Variants in MEGF10 observed in about 807,000 individuals in gnomAD.
MEGF10 encodes the protein multiple epidermal growth factor-like domains protein 10.
A neutral mutation model predicts 147.5 loss-of-function variants in MEGF10; 86 were observed. The ratio of observed to expected loss-of-function variants is 0.58; its 90% CI spans 0.49 to 0.70. MEGF10 has a LOEUF of 0.70. Ranked by LOEUF, MEGF10 falls within the 30% of genes least tolerant of loss-of-function variation. MEGF10 has a pLI of 0.00. For synonymous variants in MEGF10, 478 were observed against 525.5 expected (o/e 0.91, Z 1.24); for missense variants, 1,329 against 1,487.3 (o/e 0.89, Z 1.75).
chr5:127,442,931 G>A lies in MEGF10; in HGVS notation c.2363-67G>A. 6 of 1,535,016 alleles carry A rather than the reference G, an allele frequency of 3.9e-6. No individual in the cohort carries two copies. In the South Asian group the frequency reaches 4.9e-5, roughly 13 times the overall value. The stretch of plus-strand genomic sequence containing the variant: ...ACTCAGCTCTAGATGTGCAGGGCTT[G>A]CAGTCAGAGACAGCCTTGCTCCAAA... On this transcript the variant is annotated intron_variant, in intron 18 of 24. Transcript: ENST00000503335.
chr5:127,234,809 A>C, the MEGF10 span, among the ~76,000 whole-genome samples: 1 of 150,912 alleles, frequency 6.6e-6, no homozygotes, highest in East Asian at 1.9e-4. Context: ...CTATATTGGT[A>C]GTTCAATAAC....
At chr5:127,444,750 C>T (rs970471501) in intron 19 of MEGF10, 3 of 152,242 alleles carry the variant, frequency 2.0e-5, no homozygotes, top group Non-Finnish European at 2.9e-5. Flanking sequence ...ATCTTTCTGT[C>T]ATGGAAAATA....
intron 17 of MEGF10, among the ~76,000 whole-genome samples, chr5:127,440,389 A>G (rs1336154892): frequency 6.6e-6 from 1 of 152,224 alleles, no homozygotes; most frequent in African/African-American, 2.4e-5. Flanking sequence ...ATTTGAGTCC[A>G]GGATTCTAGT....
intron 4 of MEGF10, among the ~76,000 whole-genome samples, chr5:127,346,058 G>A (rs1761873373): frequency 6.6e-6 from 1 of 152,156 alleles, no homozygotes; most frequent in African/African-American, 2.4e-5. Context: ...AGCATTCCAT[G>A]GTGTGTATGT....
chr5:127,442,057 G>T (rs907777768), intron 18 of MEGF10, among the ~76,000 whole-genome samples: 1 of 152,168 alleles, frequency 6.6e-6, no homozygotes, highest in Non-Finnish European at 1.5e-5. Flanking sequence ...TAAATATTGT[G>T]TGTTTGTGTA....
At chr5:127,342,110 A>G (rs1036626229) in intron 4 of MEGF10, among the ~76,000 whole-genome samples, 1 of 152,198 alleles carries the variant, frequency 6.6e-6, no homozygotes, top group African/African-American at 2.4e-5. Flanking sequence ...ATTAATAATG[A>G]TGCTGAATAA....
intron 5 of MEGF10, among the ~76,000 whole-genome samples, chr5:127,371,355 A>G (rs1268605370): frequency 1.3e-5 from 2 of 152,020 alleles, no homozygotes; most frequent in Non-Finnish European, 2.9e-5. Flanking sequence ...TTCACACGCC[A>G]TTGAGGCAAA....
rs767116571 is a variant in MEGF10, at chr5:127,419,141, T to C, written c.1327T>C (p.Cys443Arg). The change falls in exon 11 of 25, where the codon TGC (cysteine) becomes CGC (arginine). Residue 443 changes from cysteine to arginine, a missense_variant. Cys to Arg is a radical substitution (Grantham distance 180). Coordinates refer to ENST00000503335, the MANE Select transcript of MEGF10 (RefSeq NM_001256545.2). ...GFKGIDCSTP[C>R]PLGTYGINCS... ...CTAGGGAATTGACTGCTCTACCCCATGCCCTCTGGGAACCTATGGGATAAA... is the reference window on the plus strand; with the variant it reads ...CTAGGGAATTGACTGCTCTACCCCACGCCCTCTGGGAACCTATGGGATAAA... 6 of 1,613,938 alleles carry C rather than the reference T, an allele frequency of 3.7e-6. No homozygotes were observed. Among genetic ancestry groups the C allele is most frequent in the Non-Finnish European group, 5.1e-6 (6 of 1,179,986 alleles).
chr5:127,283,312 T>C, the MEGF10 span, among the ~76,000 whole-genome samples: 1 of 152,232 alleles, frequency 6.6e-6, no homozygotes, highest in Admixed American at 6.5e-5. Context: ...CAAATTGTAA[T>C]AGATGTATTC....
At chr5:127,369,126 G>A (rs906949322) in intron 4 of MEGF10, among the ~76,000 whole-genome samples, 11 of 152,016 alleles carry the variant, frequency 7.2e-5, no homozygotes, top group African/African-American at 7.2e-5. Context: ...CCTTTAAGTC[G>A]TTCTCACAAT....
In MEGF10 at chr5:127,377,836, G is replaced by A. The variant is rs548159703; in HGVS notation, c.412+7834G>A. 2.9e-3 allele frequency among the ~76,000 whole-genome samples: 445 copies of A among 152,296 alleles called. 6 individuals carry two copies. Among genetic ancestry groups the A allele is most frequent in the Non-Finnish European group, 3.0e-3 (205 of 68,022 alleles). On this transcript the variant is annotated intron_variant, in intron 5 of 24. Transcript: ENST00000503335. The stretch of plus-strand genomic sequence containing the variant: ...CGCTGCAGTCATTAACAGGCCTGTT[G>A]CGCTGTCAGAATTACTTTCGAAATC...
At chr5:127,436,904 C>A (rs1386193595) in intron 16 of MEGF10, among the ~76,000 whole-genome samples, 2 of 152,164 alleles carry the variant, frequency 1.3e-5, no homozygotes, top group Admixed American at 1.3e-4. Flanking sequence ...AAAACACAGA[C>A]TTTGAAAACT....
the MEGF10 span, among the ~76,000 whole-genome samples, chr5:127,246,999 T>TATATATATATATATATAC: frequency 7.9e-6 from 1 of 126,622 alleles, no homozygotes; most frequent in African/African-American, 3.1e-5. Flanking sequence ...TATATATATA[T>TATATATATATATATATAC]ATATATATAG....
At chr5:127,265,169 T>C in the MEGF10 span, among the ~76,000 whole-genome samples, 1 of 152,186 alleles carries the variant, frequency 6.6e-6, no homozygotes, top group Non-Finnish European at 1.5e-5. Context: ...CATGCAGTGT[T>C]TGGTTTTTTG....
intron 4 of MEGF10, among the ~76,000 whole-genome samples, chr5:127,362,331 GT>G (rs35156178): frequency 1.2e-3 from 163 of 134,302 alleles, no homozygotes; most frequent in East Asian, 5.9e-3. Flanking sequence ...CGTTAGTATG[GT>G]TTTTTTTTTT....
chr5:127,419,688 C>A (rs1764914042), intron 11 of MEGF10, among the ~76,000 whole-genome samples: 1 of 152,206 alleles, frequency 6.6e-6, no homozygotes, highest in Admixed American at 6.5e-5. Flanking sequence ...AATCCTTTGT[C>A]TCCCTTCCAT....
the MEGF10 span, among the ~76,000 whole-genome samples, chr5:127,283,735 T>C: frequency 6.6e-6 from 1 of 152,222 alleles, no homozygotes; most frequent in African/African-American, 2.4e-5. Context: ...AATGAGCACA[T>C]TAAAGTTCGA....
chr5:127,336,813 TC>T (rs1294568576), intron 2 of MEGF10, among the ~76,000 whole-genome samples: 1 of 152,120 alleles, frequency 6.6e-6, no homozygotes, highest in African/African-American at 2.4e-5. Flanking sequence ...TAGAGTGGCT[TC>T]TTTTTTGTTC....
chr5:127,239,199 AT>A, the MEGF10 span, among the ~76,000 whole-genome samples: 1 of 152,028 alleles, frequency 6.6e-6, no homozygotes, highest in Admixed American at 6.6e-5. Flanking sequence ...AAATAAATGC[AT>A]TAGCATTATT....
Sources: gnomAD v4.1 joint callset for allele counts (sites outside exome capture counted in the v4.1 genomes callset) on GRCh38, gnomAD v4.1.1 for gene constraint, MANE v1.5 for transcripts, NCBI Gene and HGNC (gene_info 2026-07-23, HGNC 2026-07-21) for gene names.